CCDC63: variants seen among roughly 807,000 people sequenced by gnomAD.
CCDC63 encodes the protein coiled-coil domain-containing protein 63.
A neutral mutation model predicts 63.6 loss-of-function variants in CCDC63; 54 were observed. The observed-to-expected ratio is 0.85, with a 90% CI of 0.68 to 1.07. The LOEUF (loss-of-function observed/expected upper bound fraction) is 1.07, where lower values mean the gene tolerates loss of function less well. CCDC63 is among the 50% of genes least tolerant of loss of function. The pLI is 0.00. For synonymous variants in CCDC63, 253 were observed against 266.1 expected, an observed-to-expected ratio of 0.95 and a Z score of 0.48; for missense variants, 637 against 689.6, an observed-to-expected ratio of 0.92 and a Z score of 0.86.
At chr12:110,877,723 TGAGAC>T (rs2071149327) in intron 5 of CCDC63, among the ~76,000 whole-genome samples, 4 of 148,482 alleles carry the variant, frequency 2.7e-5, no homozygotes, top group African/African-American at 1.0e-4. Flanking sequence ...TTTTTTTTTT[TGAGAC>T]TGAGTCTCAT....
chr12:110,871,273 C>T (rs1377205432), intron 4 of CCDC63, among the ~76,000 whole-genome samples: 1 of 152,120 alleles, frequency 6.6e-6, no homozygotes, highest in Non-Finnish European at 1.5e-5. Context: ...TCCCAAGTAG[C>T]TGGGACTACT....
intron 8 of CCDC63, among the ~76,000 whole-genome samples, chr12:110,884,455 C>T (rs1449811458): frequency 1.3e-5 from 2 of 152,184 alleles, no homozygotes; most frequent in African/African-American, 2.4e-5. Flanking sequence ...TATTGGCTCA[C>T]TGCAGTCTCA....
intron 4 of CCDC63, among the ~76,000 whole-genome samples, chr12:110,869,250 G>A (rs1355828484): frequency 6.6e-6 from 1 of 152,168 alleles, no homozygotes; most frequent in African/African-American, 2.4e-5. Flanking sequence ...TTCCAGAACA[G>A]GAACTGAGCT....
At chr12:110,882,564 C>CT (rs2071221010) in intron 7 of CCDC63, among the ~76,000 whole-genome samples, 1 of 149,906 alleles carries the variant, frequency 6.7e-6, no homozygotes, top group South Asian at 2.1e-4. Context: ...GACCCTGTCT[C>CT]TTAAAAAAAA....
intron 2 of CCDC63, among the ~76,000 whole-genome samples, chr12:110,853,176 A>G (rs1593634698): frequency 6.6e-6 from 1 of 151,046 alleles, no homozygotes; most frequent in Non-Finnish European, 1.5e-5. Flanking sequence ...CCCAAAGAAT[A>G]CCCTCCCCTC....
At chr12:110,866,309 C>CTTTTTTTTTTTTTTTTTTT (rs67350855) in intron 4 of CCDC63, among the ~76,000 whole-genome samples, 1 of 137,018 alleles carries the variant, frequency 7.3e-6, no homozygotes, top group Non-Finnish European at 1.6e-5. Context: ...TTAAGCCACT[C>CTTTTTTTTTTTTTTTTTTT]TTTTTTTTTT....
In CCDC63 at chr12:110,858,675, A is replaced by G; in HGVS notation, c.269A>G (p.Glu90Gly). The change falls in exon 4 of 12, where the codon GAG (glutamate) becomes GGG (glycine). Residue 90 changes from glutamate to glycine, a missense_variant. By Grantham distance (98) the Glu-to-Gly change is moderately conservative. Transcript: ENST00000308208. ...MKSSRNMNRS[E>G]KNYMELRLLL... ...TCCTCGAGGAACATGAATCGGAGTGAGAAGAACTACATGGAGCTGCGACTC... is the reference window on the plus strand; with the variant it reads ...TCCTCGAGGAACATGAATCGGAGTGGGAAGAACTACATGGAGCTGCGACTC... 2 of 1,614,116 alleles carry G rather than the reference A, an allele frequency of 1.2e-6. No homozygotes were observed. Among genetic ancestry groups the G allele is most frequent in the African/African-American group, 1.3e-5 (1 of 75,034 alleles).
chr12:110,893,444 TC>T (rs1425150756), intron 9 of CCDC63, among the ~76,000 whole-genome samples: 1 of 152,218 alleles, frequency 6.6e-6, no homozygotes, highest in Non-Finnish European at 1.5e-5. Flanking sequence ...TGCAATTTCA[TC>T]CCTGATGGGC....
Position 110,881,213 on chromosome 12 carries a change from C to T in CCDC63, c.770C>T (p.Ala257Val). ...LEIRELERLYAHESKLKSFLL... is the reference protein window; with the variant it reads ...LEIRELERLYVHESKLKSFLL... ...ATCCGAGAGCTGGAGCGTCTCTATG[C>T]CCATGAGAGCAAGCTCAAGTCCTTC... The change falls in exon 7 of 12, where the codon GCC becomes GTC. Residue 257 changes from alanine to valine, a missense_variant. By Grantham distance (64) the Ala-to-Val change is moderately conservative (BLOSUM62 0). Coordinates refer to ENST00000308208, the MANE Select transcript of CCDC63 (RefSeq NM_152591.3). The T allele has an allele frequency of 2.5e-6, 4 of 1,613,792 alleles. No individual in the cohort carries two copies. The highest frequency in any genetic ancestry group is 3.4e-6 in the Non-Finnish European group (4 of 1,179,946).
chr12:110,848,359 G>T (rs550897543), intron 1 of CCDC63, among the ~76,000 whole-genome samples: 64 of 152,260 alleles, frequency 4.2e-4, no homozygotes, highest in African/African-American at 1.4e-3. Flanking sequence ...TGCTCTGCAG[G>T]CCAAGCTATG....
At chr12:110,852,319 G>A (rs1216641107) in intron 1 of CCDC63, among the ~76,000 whole-genome samples, 1 of 152,044 alleles carries the variant, frequency 6.6e-6, no homozygotes, top group Admixed American at 6.5e-5. Context: ...GCAGTGGCGC[G>A]ATCTCGGCTC....
At chr12:110,879,793 TG>T in intron 5 of CCDC63, 112 bp from the exon 6 acceptor site, 1 of 988,098 alleles carries the variant, frequency 1.0e-6, no homozygotes, top group Non-Finnish European at 1.5e-6. Context: ...CACTCCTCCA[TG>T]GCCCTTGCGT....
intron 8 of CCDC63, among the ~76,000 whole-genome samples, 155 bp downstream of exon 8, chr12:110,884,405 C>T (rs2136705211): frequency 6.6e-6 from 1 of 152,296 alleles, no homozygotes; most frequent in Admixed American, 6.5e-5. Flanking sequence ...GAGACAGGAT[C>T]TTACTCTGTC....
At chr12:110,892,989 C>G in intron 8 of CCDC63, 87 bp from the exon 9 acceptor site, 1 of 1,020,192 alleles carries the variant, frequency 9.8e-7, no homozygotes, top group African/African-American at 1.6e-5. Flanking sequence ...AAATCCTCAT[C>G]GACTCTTTGA....
intron 9 of CCDC63, among the ~76,000 whole-genome samples, chr12:110,894,954 G>T (rs1046615475): frequency 2.0e-5 from 3 of 152,186 alleles, no homozygotes; most frequent in African/African-American, 7.2e-5. Context: ...TTACTCTGTT[G>T]CCCAGGCTGG....
intron 8 of CCDC63, among the ~76,000 whole-genome samples, chr12:110,886,135 G>T (rs7311323): frequency 8.6e-5 from 13 of 152,028 alleles, no homozygotes; most frequent in African/African-American, 3.1e-4. Flanking sequence ...ACCTGTAATC[G>T]CAGCACTTTG....
At chr12:110,868,514 G>A (rs7974182) in intron 4 of CCDC63, among the ~76,000 whole-genome samples, 10,155 of 149,212 alleles carry the variant, frequency 0.068, 388 homozygotes, top group East Asian at 0.15. Flanking sequence ...CGGATCACTC[G>A]CGGTTAGGGG....
intron 5 of CCDC63, among the ~76,000 whole-genome samples, chr12:110,877,515 G>C (rs887628893): frequency 2.0e-5 from 3 of 151,862 alleles, no homozygotes; most frequent in Non-Finnish European, 4.4e-5. Flanking sequence ...ACTGCGCCTA[G>C]CCCCAAATAC....
rs79759572 is a variant in CCDC63 at position 110,889,971 on chromosome 12, A to G, written c.1075-3105A>G. ...CAACCTCCAAATCAGGAATAATTCC[A>G]TCACACGGACATAGCATTGTTTCAT... On this transcript the variant is annotated intron_variant, in intron 8 of 11. Transcript: ENST00000308208. The surrounding 1 kb of genome is among the most constrained non-coding windows in gnomAD (Gnocchi z 4.1). 0.052 allele frequency among the ~76,000 whole-genome samples: 7,942 copies of G among 152,210 alleles called. 699 individuals carry two copies. The highest frequency in any genetic ancestry group is 0.18 in the African/African-American group (7,564 of 41,506).
Sources: allele counts gnomAD v4.1 joint callset (sites outside exome capture counted in the v4.1 genomes callset), GRCh38; gene constraint gnomAD v4.1.1; non-coding constraint Gnocchi (gnomAD v3.1); transcripts MANE v1.5; gene names NCBI Gene and HGNC (gene_info 2026-07-23, HGNC 2026-07-21).